Variants in KCNQ3 observed in about 807,000 individuals in gnomAD.
KCNQ3 encodes the protein potassium voltage-gated channel subfamily KQT member 3.
Under a neutral mutation model 92.5 loss-of-function variants are expected in KCNQ3, and 30 were observed. The observed-to-expected ratio is 0.32, with a 90% confidence interval of 0.24 to 0.44. The LOEUF is 0.44. KCNQ3 is among the 20% of genes least tolerant of loss of function. KCNQ3 has a pLI of 1.00. For synonymous variants in KCNQ3, 450 were observed against 468.8 expected (o/e 0.96, Z 0.52); for missense variants, 913 against 1,140.3 (o/e 0.80, Z 2.87).
At chr8:132,228,391 G>C (rs1240554910) in intron 1 of KCNQ3, among the ~76,000 whole-genome samples, 3 of 152,078 alleles carry the variant, frequency 2.0e-5, no homozygotes, top group Non-Finnish European at 4.4e-5. Context: ...GAGAGAGAGA[G>C]TGTGTCCCTT....
chr8:132,477,546 G>T (rs1822443086), intron 1 of KCNQ3, among the ~76,000 whole-genome samples: 1 of 152,202 alleles, frequency 6.6e-6, no homozygotes, highest in Admixed American at 6.5e-5. Flanking sequence ...GCTGCAGGGA[G>T]AATGTACTAT....
At chr8:132,344,732 T>C (rs1450964325) in intron 1 of KCNQ3, among the ~76,000 whole-genome samples, 2 of 151,940 alleles carry the variant, frequency 1.3e-5, no homozygotes, top group African/African-American at 4.8e-5. Flanking sequence ...AGAAAGCTGG[T>C]GGGGACAGTT....
chr8:132,426,629 C>T (rs746589398), intron 1 of KCNQ3, among the ~76,000 whole-genome samples: 4 of 152,340 alleles, frequency 2.6e-5, no homozygotes, highest in African/African-American at 9.6e-5. Context: ...AAATCCTTCC[C>T]TCACCAATGG....
chr8:132,352,514 C>T (rs990328133), intron 1 of KCNQ3, among the ~76,000 whole-genome samples: 4 of 152,118 alleles, frequency 2.6e-5, no homozygotes, highest in African/African-American at 7.2e-5. Flanking sequence ...CTCACTGCCC[C>T]GAGCTGCTGT....
chr8:132,316,998 A>ACACATC (rs1188918607), intron 1 of KCNQ3, among the ~76,000 whole-genome samples: 6 of 152,228 alleles, frequency 3.9e-5, no homozygotes, highest in Non-Finnish European at 7.3e-5. Flanking sequence ...AGGACAATTT[A>ACACATC]CACATCTGTC....
At chr8:132,458,143 A>G (rs1409910658) in intron 1 of KCNQ3, among the ~76,000 whole-genome samples, 1 of 152,142 alleles carries the variant, frequency 6.6e-6, no homozygotes, top group Admixed American at 6.5e-5. Flanking sequence ...TCACCCCATA[A>G]GCCACCCTTG....
At chr8:132,200,453 TATGAGCCAAAGG>T (rs1586823809) in intron 1 of KCNQ3, among the ~76,000 whole-genome samples, 1 of 151,464 alleles carries the variant, frequency 6.6e-6, no homozygotes, top group East Asian at 1.9e-4. Flanking sequence ...TGATGTAAAC[TATGAGCCAAAGG>T]CAATTTAATT....
intron 1 of KCNQ3, among the ~76,000 whole-genome samples, chr8:132,323,036 C>T (rs1228145091): frequency 6.6e-6 from 1 of 152,168 alleles, no homozygotes; most frequent in African/African-American, 2.4e-5. Context: ...AGCAGTGATC[C>T]AGCTGGACGT....
At chr8:132,195,147 T>G (rs1827268012) in intron 1 of KCNQ3, among the ~76,000 whole-genome samples, 2 of 152,248 alleles carry the variant, frequency 1.3e-5, no homozygotes, top group Non-Finnish European at 2.9e-5. Context: ...TCATTTAACA[T>G]TTATACTTTT....
At chr8:132,274,072 T>C (rs761094766) in intron 1 of KCNQ3, among the ~76,000 whole-genome samples, 1 of 152,210 alleles carries the variant, frequency 6.6e-6, no homozygotes, top group Non-Finnish European at 1.5e-5. Flanking sequence ...TTTTCAGGTA[T>C]CTTTTCAGCA....
intron 1 of KCNQ3, among the ~76,000 whole-genome samples, chr8:132,402,819 T>G (rs915131006): frequency 6.6e-6 from 1 of 151,924 alleles, no homozygotes; most frequent in African/African-American, 2.4e-5. Flanking sequence ...AGATCGAGAC[T>G]GTCCTGGCCA....
At chr8:132,478,236 G>A (rs1483349123) in intron 1 of KCNQ3, among the ~76,000 whole-genome samples, 1 of 152,118 alleles carries the variant, frequency 6.6e-6, no homozygotes, top group African/African-American at 2.4e-5. Context: ...TAAAATTGAG[G>A]CTCAGTCAGT....
At chr8:132,179,086 T>C (rs1271744434) in intron 4 of KCNQ3, among the ~76,000 whole-genome samples, 1 of 149,982 alleles carries the variant, frequency 6.7e-6, no homozygotes. Flanking sequence ...TCCTGATTTC[T>C]CCTCTCGGGA....
At chr8:132,358,471 T>C (rs534542156) in intron 1 of KCNQ3, among the ~76,000 whole-genome samples, 3 of 152,302 alleles carry the variant, frequency 2.0e-5, no homozygotes, top group South Asian at 2.1e-4. Context: ...AGAAGGCTCA[T>C]TGGGTAATGT....
At chr8:132,219,927 G>A (rs915933037) in intron 1 of KCNQ3, among the ~76,000 whole-genome samples, 2 of 150,864 alleles carry the variant, frequency 1.3e-5, no homozygotes, top group African/African-American at 5.0e-5. Flanking sequence ...GTCCCAGAGA[G>A]GTCATACCTC....
chr8:132,332,424 A>G (rs1045606143), intron 1 of KCNQ3, among the ~76,000 whole-genome samples: 1 of 152,260 alleles, frequency 6.6e-6, no homozygotes, highest in Admixed American at 6.5e-5. Flanking sequence ...TGCACACAGT[A>G]GGACAGTTCT....
chr8:132,226,887 C>A (rs891564480), intron 1 of KCNQ3, among the ~76,000 whole-genome samples: 1 of 152,100 alleles, frequency 6.6e-6, no homozygotes, highest in East Asian at 1.9e-4. Flanking sequence ...AGAAATATCA[C>A]ATCCATTATC....
At chr8:132,167,471 GT>G (rs1440650099) in intron 8 of KCNQ3, among the ~76,000 whole-genome samples, 1 of 152,178 alleles carries the variant, frequency 6.6e-6, no homozygotes, top group Non-Finnish European at 1.5e-5. Flanking sequence ...CAAGAAAGTT[GT>G]TATTAAAACA....
chr8:132,458,703 C>T (rs758324097), intron 1 of KCNQ3, among the ~76,000 whole-genome samples: 9 of 152,238 alleles, frequency 5.9e-5, no homozygotes, highest in Non-Finnish European at 1.3e-4. Flanking sequence ...GATCCTCCCG[C>T]CTTAGCCTCC....
Sources: gnomAD v4.1 joint callset for allele counts (sites outside exome capture counted in the v4.1 genomes callset) on GRCh38, gnomAD v4.1.1 for gene constraint, MANE v1.5 for transcripts, NCBI Gene and HGNC (gene_info 2026-07-23, HGNC 2026-07-21) for gene names.